GOLIM4: variants seen among roughly 807,000 people sequenced by gnomAD.
GOLIM4 encodes golgi integral membrane protein 4.
In GOLIM4, 71 loss-of-function variants were observed where a neutral mutation model predicts 107.4. The observed-to-expected ratio is 0.66, with a 90% CI of 0.55 to 0.81. The LOEUF is 0.81. GOLIM4 is among the 30% of genes least tolerant of loss of function. The probability of loss-of-function intolerance (pLI) is 0.00; values close to 1 mark genes in which losing one functional copy is unlikely to be tolerated. For missense variants in GOLIM4, 830 were observed against 826.1 expected (o/e 1.00, Z -0.06); for synonymous variants, 327 against 294.8 (o/e 1.11, Z -1.12).
chr3:168,030,612 C>A (rs548947256), intron 9 of GOLIM4, among the ~76,000 whole-genome samples: 2 of 151,216 alleles, frequency 1.3e-5, no homozygotes, highest in East Asian at 3.9e-4. Context: ...ATGGTGCCTT[C>A]TGATTAAAGG....
intron 14 of GOLIM4, among the ~76,000 whole-genome samples, chr3:168,011,282 G>C (rs190723234): frequency 6.6e-6 from 1 of 152,038 alleles, no homozygotes; most frequent in Non-Finnish European, 1.5e-5. Context: ...AAGGGGTGAC[G>C]GACGGCACCT....
intron 1 of GOLIM4, among the ~76,000 whole-genome samples, chr3:168,052,193 T>G (rs1213179261): frequency 6.6e-6 from 1 of 152,172 alleles, no homozygotes; most frequent in Non-Finnish European, 1.5e-5. Context: ...ATATATCAAG[T>G]GCTTAGAATA....
At chr3:168,050,707 A>G (rs942518627) in intron 1 of GOLIM4, among the ~76,000 whole-genome samples, 1 of 152,008 alleles carries the variant, frequency 6.6e-6, no homozygotes, top group Non-Finnish European at 1.5e-5. Context: ...CATATTATAG[A>G]CTGAATTTCA....
Position 168,024,412 on chromosome 3 carries a change from TTTTCTGAACA to T in GOLIM4, c.1860+104_1860+113del, listed in dbSNP as rs1165604317. 13 of 842,118 alleles carry T rather than the reference TTTTCTGAACA, an allele frequency of 1.5e-5. No homozygotes were observed. The African/African-American group carries it at 2.2e-4, about 14-fold the overall frequency. 52.2% of individuals were successfully genotyped at this position (842,118 alleles called of 1,614,324 possible). ...CCACCCTTTCTTATCCTGCTTAAAT[TTTTCTGAACA>T]TTTCTGTGGAAGGCATGTCAAAGTC... is the stretch of plus-strand genomic sequence containing the variant. On this transcript the variant is annotated intron_variant, in intron 14 of 15. Coordinates refer to ENST00000470487, the MANE Select transcript of GOLIM4 (RefSeq NM_014498.5).
At position 168,095,446 on chromosome 3, in the gene GOLIM4, G is replaced by A; in HGVS notation, c.-161C>T. The A allele has an allele frequency of 1.8e-6, 1 of 566,988 alleles. No homozygotes were observed. Among genetic ancestry groups the A allele is most frequent in the Non-Finnish European group, 3.0e-6 (1 of 333,230 alleles). 35.1% of individuals were successfully genotyped at this position (566,988 alleles called of 1,614,324 possible). ...CCGGAGGGGAAGTGGCGCCCGCTCAGCCCCCGCGCGGCGCGGGGCGCGCAG... is the reference window on the plus strand; with the variant it reads ...CCGGAGGGGAAGTGGCGCCCGCTCAACCCCCGCGCGGCGCGGGGCGCGCAG... On this transcript the variant is annotated 5_prime_UTR_variant, in exon 1 of 16. Transcript: ENST00000470487.
chr3:168,021,804 G>A (rs555261771), intron 14 of GOLIM4, among the ~76,000 whole-genome samples: 1 of 152,310 alleles, frequency 6.6e-6, no homozygotes, highest in South Asian at 2.1e-4. Context: ...TCTTCTGCAT[G>A]TTCAGATTAA....
intron 1 of GOLIM4, among the ~76,000 whole-genome samples, chr3:168,064,866 C>T (rs575272642): frequency 6.7e-4 from 101 of 151,792 alleles, no homozygotes; most frequent in Non-Finnish European, 1.2e-3. Flanking sequence ...TCTAATTAGA[C>T]GTCCAGATTT....
Position 168,009,990 on chromosome 3 carries a change from C to A in GOLIM4, c.*279G>T. On this transcript the variant is annotated 3_prime_UTR_variant, in exon 16 of 16. Transcript: ENST00000470487. ...TATACAAAATCAATGAGCTTTCCAA[C>A]ATCACATAATCTATTAAAAAAATTG... is the stretch of plus-strand genomic sequence containing the variant. The A allele has an allele frequency of 7.5e-6, 2 of 265,328 alleles. No homozygotes were observed. Among genetic ancestry groups the A allele is most frequent in the Non-Finnish European group, 1.4e-5 (2 of 143,708 alleles). The allele number at this position is 265,328 out of a possible 1,614,324, so 16.4% of individuals were successfully genotyped here. A position where few individuals can be genotyped will look rare whatever the true frequency, so the allele number is the denominator to read the frequency against.
At chr3:168,010,490 C>T (rs1716940266) in intron 15 of GOLIM4, 72 bp from the exon 16 acceptor site, 1 of 1,094,744 alleles carries the variant, frequency 9.1e-7, no homozygotes, top group Non-Finnish European at 1.3e-6. Flanking sequence ...TCTCTAAAAA[C>T]AGGATGAAAA....
chr3:168,068,709 C>T (rs1056419204), intron 1 of GOLIM4, among the ~76,000 whole-genome samples: 1 of 151,634 alleles, frequency 6.6e-6, no homozygotes, highest in Non-Finnish European at 1.5e-5. Context: ...AGTTGCATAC[C>T]CATTTGCCAT....
At chr3:168,060,296 G>A (rs1446878021) in intron 1 of GOLIM4, among the ~76,000 whole-genome samples, 2 of 152,106 alleles carry the variant, frequency 1.3e-5, no homozygotes, top group Non-Finnish European at 2.9e-5. Flanking sequence ...AGACTGCATG[G>A]GTACAAGATG....
intron 1 of GOLIM4, among the ~76,000 whole-genome samples, chr3:168,072,351 A>T (rs886504683): frequency 6.6e-6 from 1 of 151,516 alleles, no homozygotes; most frequent in Non-Finnish European, 1.5e-5. Flanking sequence ...GACTTTGTAT[A>T]CCAACTTTGT....
At chr3:168,085,737 A>T (rs1721584952) in intron 1 of GOLIM4, among the ~76,000 whole-genome samples, 1 of 152,204 alleles carries the variant, frequency 6.6e-6, no homozygotes, top group African/African-American at 2.4e-5. Context: ...AACTATTCCC[A>T]GGCTTTGAGA....
At chr3:168,093,769 T>A (rs1354718444) in intron 1 of GOLIM4, among the ~76,000 whole-genome samples, 1 of 152,268 alleles carries the variant, frequency 6.6e-6, no homozygotes, top group Non-Finnish European at 1.5e-5. Flanking sequence ...TCATTGCCTG[T>A]GGCTATGCAG....
intron 7 of GOLIM4, among the ~76,000 whole-genome samples, chr3:168,038,233 AT>A (rs1488380709): frequency 6.6e-6 from 1 of 152,220 alleles, no homozygotes; most frequent in African/African-American, 2.4e-5. Flanking sequence ...GAGGTAAAAA[AT>A]AAATGACATA....
intron 8 of GOLIM4, among the ~76,000 whole-genome samples, chr3:168,036,073 TA>T (rs1187187826): frequency 3.9e-5 from 6 of 152,228 alleles, no homozygotes; most frequent in Non-Finnish European, 8.8e-5. Flanking sequence ...TAAAATATAT[TA>T]TTAACTTTAA....
intron 1 of GOLIM4, among the ~76,000 whole-genome samples, chr3:168,077,262 G>C (rs149818055): frequency 5.3e-5 from 8 of 152,104 alleles, no homozygotes; most frequent in Non-Finnish European, 1.2e-4. Context: ...CTTACCACTC[G>C]GAGGGGCAGA....
chr3:168,047,283 C>T (rs1719357297), intron 2 of GOLIM4, among the ~76,000 whole-genome samples: 1 of 152,116 alleles, frequency 6.6e-6, no homozygotes, highest in East Asian at 1.9e-4. Context: ...ATTAACTCTC[C>T]TTGAAATTTA....
intron 1 of GOLIM4, among the ~76,000 whole-genome samples, chr3:168,075,212 G>A (rs1202315426): frequency 6.6e-6 from 1 of 151,194 alleles, no homozygotes; most frequent in Non-Finnish European, 1.5e-5. Context: ...ATTTCTAAAG[G>A]GACAAAGTTA....
Sources: allele counts gnomAD v4.1 joint callset (sites outside exome capture counted in the v4.1 genomes callset), GRCh38; gene constraint gnomAD v4.1.1; transcripts MANE v1.5; gene names NCBI Gene and HGNC (gene_info 2026-07-23, HGNC 2026-07-21).